The following HEATR1 variants were observed in gnomAD, a reference collection of about 807,000 sequenced individuals.
HEATR1 encodes HEAT repeat containing 1, also known as HEAT repeat-containing protein 1.
A neutral mutation model predicts 248.2 loss-of-function variants in HEATR1; 77 were observed. The ratio of observed to expected loss-of-function variants is 0.31; its 90% CI spans 0.26 to 0.37. The LOEUF (loss-of-function observed/expected upper bound fraction) is 0.37, where lower values mean the gene tolerates loss of function less well. Among genes scored for constraint, HEATR1 ranks in the 10% least tolerant of loss-of-function variants. HEATR1 has a pLI of 1.00. For synonymous variants in HEATR1, 897 were observed against 923.1 expected (o/e 0.97, Z 0.51); for missense variants, 2,420 against 2,504.9 (o/e 0.97, Z 0.72).
intron 28 of HEATR1, among the ~76,000 whole-genome samples, chr1:236,570,625 C>T (rs1296884681): frequency 3.3e-5 from 5 of 152,032 alleles, no homozygotes; most frequent in South Asian, 2.1e-4. Flanking sequence ...TAATTGTATA[C>T]TTTAAATGGG....
At chr1:236,558,100 T>C in intron 36 of HEATR1, 137 bp downstream of exon 36, 1 of 980,460 alleles carries the variant, frequency 1.0e-6, no homozygotes, top group South Asian at 1.7e-5. Flanking sequence ...CACCACACCC[T>C]GCAAGATCAA....
chr1:236,585,870 AC>A lies in HEATR1; in HGVS notation c.1998del (p.Glu666AspfsTer7). ...LIGVANQKMI[E>X]LLADNINLGD... ...CCTAAATTTATATTATCAGCCAACA[AC>A]TCAATCATCTTCTGATTTGCTACAC... On this transcript the variant is annotated frameshift_variant, in exon 16 of 45. Coordinates refer to ENST00000366582, the MANE Select transcript of HEATR1 (RefSeq NM_018072.6). LOFTEE classifies it high-confidence loss of function. 6.2e-7 allele frequency: 1 copy of A among 1,612,656 alleles called. No individual in the cohort carries two copies. The highest frequency in any genetic ancestry group is 8.5e-7 in the Non-Finnish European group (1 of 1,178,912).
chr1:236,600,536 T>A (rs537529980), intron 3 of HEATR1, among the ~76,000 whole-genome samples: 1 of 151,522 alleles, frequency 6.6e-6, no homozygotes, highest in African/African-American at 2.4e-5. Context: ...TGCCTTTTAT[T>A]AGATTTTTTT....
intron 34 of HEATR1, 56 bp from the exon 35 acceptor site, chr1:236,559,191 A>C: frequency 7.2e-7 from 1 of 1,381,974 alleles, no homozygotes; most frequent in Non-Finnish European, 9.7e-7. Flanking sequence ...AAAAAAAACC[A>C]ACTTCAATTA....
chr1:236,557,419 T>C, intron 36 of HEATR1, 74 bp from the exon 37 acceptor site: 2 of 1,506,738 alleles, frequency 1.3e-6, no homozygotes, highest in South Asian at 2.5e-5. Context: ...GAGGGCATTA[T>C]GAAAAAAACC....
At position 236,577,874 on chromosome 1, in the gene HEATR1, ATTCTT is replaced by A. The variant is rs527243874; in HGVS notation, c.2756-930_2756-926del. ...TACTGGTAAAGTTTAGGTTGTTTCT[ATTCTT>A]TTGTCATCAAAACAATGCTGCAACA... is the stretch of plus-strand genomic sequence containing the variant. On this transcript the variant is annotated intron_variant, in intron 20 of 44. Transcript: ENST00000366582. 6.2e-4 allele frequency among the ~76,000 whole-genome samples: 95 copies of A among 152,268 alleles called. 3 individuals are homozygous for A. The South Asian group carries it at 0.018, about 28-fold the overall frequency.
rs755720751 is a variant in HEATR1 at position 236,574,329 on chromosome 1, G to A, written c.3332C>T (p.Thr1111Ile). Residue 1111 changes from threonine (T) to isoleucine (I), a missense_variant, in exon 24 of 45, where the codon ACA (threonine) becomes ATA (isoleucine). Thr to Ile is a moderately conservative substitution (Grantham distance 89). Transcript: ENST00000366582. ...TGATATGGCTGCAAAAAATGGTTTT[G>A]TAATCTAGAGGGGGTAGAAAAAAGG... ...TIQITALEKI[T>I]KPFFAAISDE... 6 of 1,608,290 alleles carry A rather than the reference G, an allele frequency of 3.7e-6. No individual in the cohort carries two copies. Among genetic ancestry groups the A allele is most frequent in the African/African-American group, 1.3e-5 (1 of 74,530 alleles).
Position 236,585,101 on chromosome 1 carries a change from T to C in HEATR1, c.2165A>G (p.His722Arg), listed in dbSNP as rs1296713557. The change falls in exon 17 of 45, where the codon CAC becomes CGC. Residue 722 changes from histidine to arginine, a missense_variant. Transcript: ENST00000366582. Reference protein sequence around the residue: ...VSCCSSLKETHFPFAIRVFSL... With the variant: ...VSCCSSLKETRFPFAIRVFSL... ...GAAGACTCTTATCGCAAATGGAAAGTGGGTTTCTTTTAAAGATGAACAACA... is the reference window on the plus strand; with the variant it reads ...GAAGACTCTTATCGCAAATGGAAAGCGGGTTTCTTTTAAAGATGAACAACA... 4 of 1,614,016 alleles carry C rather than the reference T, an allele frequency of 2.5e-6. No individual in the cohort carries two copies. In the South Asian group the frequency reaches 4.4e-5, roughly 18 times the overall value.
rs1403878816 is a variant in HEATR1 at position 236,585,838 on chromosome 1, A to C, written c.2031T>G (p.Pro677=). Residue 677 remains proline (P), a synonymous_variant, in exon 16 of 45, where the codon CCT becomes CCG. Coordinates refer to ENST00000366582, the MANE Select transcript of HEATR1 (RefSeq NM_018072.6). ...LLADNINLGD[P]SSMLKMVEDL... ...TACTTACCATCTTTAACATTGAAGA[A>C]GGATCTCCTAAATTTATATTATCAG... 8 of 1,612,598 alleles carry C rather than the reference A, an allele frequency of 5.0e-6. No homozygotes were observed. The highest frequency in any genetic ancestry group is 6.8e-6 in the Non-Finnish European group (8 of 1,178,866).
chr1:236,556,790 C>T (rs1055469049), intron 37 of HEATR1, among the ~76,000 whole-genome samples: 3 of 152,122 alleles, frequency 2.0e-5, no homozygotes, highest in African/African-American at 2.4e-5. Flanking sequence ...GACAGGAAAC[C>T]GCTGACGTGC....
At position 236,558,487 on chromosome 1, in the gene HEATR1, C is replaced by A. The variant is rs1455577056; in HGVS notation, c.4954G>T (p.Val1652Leu). ...TCCCCTTCCTTTTTCTTACGCTGCA[C>A]AATGGCCAAAAGGTCTGGAACCAGT... is the stretch of plus-strand genomic sequence containing the variant. ...LKLVPDLLAI[V>L]QRKKKEGEEE... Residue 1652 changes from valine to leucine, a missense_variant, in exon 36 of 45, where the codon GTG (valine) becomes TTG (leucine). Coordinates refer to ENST00000366582, the MANE Select transcript of HEATR1 (RefSeq NM_018072.6). 4 of 1,614,108 alleles carry A rather than the reference C, an allele frequency of 2.5e-6. No individual in the cohort carries two copies. Among genetic ancestry groups the A allele is most frequent in the Non-Finnish European group, 3.4e-6 (4 of 1,179,984 alleles).
intron 22 of HEATR1, 58 bp downstream of exon 22, chr1:236,576,160 GT>G: frequency 7.5e-7 from 1 of 1,339,260 alleles, no homozygotes; most frequent in Non-Finnish European, 1.0e-6. Context: ...CCCACAAGCA[GT>G]TACAACAATT....
At chr1:236,586,729 T>C (rs1475987723) in intron 14 of HEATR1, among the ~76,000 whole-genome samples, 1 of 151,878 alleles carries the variant, frequency 6.6e-6, no homozygotes, top group Non-Finnish European at 1.5e-5. Context: ...TCATCCTGTC[T>C]AATCTTAAAA....
chr1:236,568,900 A>ACC, intron 29 of HEATR1, 96 bp downstream of exon 29: 3 of 577,760 alleles, frequency 5.2e-6, no homozygotes, highest in South Asian at 9.9e-5. Context: ...AAAAAAAACA[A>ACC]AAAAAAAAAA....
chr1:236,563,545 T>C (rs1287138780), intron 32 of HEATR1, among the ~76,000 whole-genome samples: 1 of 152,184 alleles, frequency 6.6e-6, no homozygotes, highest in East Asian at 1.9e-4. Flanking sequence ...GTGCTGGGAT[T>C]ACAGGTGTGA....
chr1:236,553,836 G>A, intron 42 of HEATR1, 97 bp from the exon 43 acceptor site: 1 of 1,305,276 alleles, frequency 7.7e-7, no homozygotes, highest in South Asian at 1.5e-5. Flanking sequence ...TATCTTTCAT[G>A]ATATTAGCAG....
intron 2 of HEATR1, 142 bp from the exon 3 acceptor site, chr1:236,603,518 ATTTCTAGT>A (rs1664383199): frequency 1.5e-6 from 1 of 653,264 alleles, no homozygotes. Context: ...CCAAACACTG[ATTTCTAGT>A]TTTCAACTTT....
Position 236,572,751 on chromosome 1 carries a change from T to C in HEATR1, c.3537A>G (p.Gln1179=), listed in dbSNP as rs1292503530. 2 of 1,614,076 alleles carry C rather than the reference T, an allele frequency of 1.2e-6. No homozygotes were observed. Among genetic ancestry groups the C allele is most frequent in the Admixed American group, 3.3e-5 (2 of 60,030 alleles). Residue 1179 remains glutamine (Q), a synonymous_variant, in exon 25 of 45, where the codon CAA becomes CAG. Coordinates refer to ENST00000366582, the MANE Select transcript of HEATR1 (RefSeq NM_018072.6). ...TCTGCTGCATTTTTTGCCTTCTTTT[T>C]TGCTGAACTGTGCCCAAGGGTTTAG... ...DKAKPLGTVQ[Q]KRRQKMQQKK... is the part of the protein sequence containing the mutation.
At chr1:236,579,278 T>C (rs946817364) in intron 20 of HEATR1, among the ~76,000 whole-genome samples, 10 of 152,188 alleles carry the variant, frequency 6.6e-5, no homozygotes, top group Admixed American at 5.2e-4. Flanking sequence ...CTGCAATGTA[T>C]CTTTTTCACA....
Sources: gnomAD v4.1 joint callset for allele counts (sites outside exome capture counted in the v4.1 genomes callset) on GRCh38, gnomAD v4.1.1 for gene constraint, MANE v1.5 for transcripts, NCBI Gene and HGNC (gene_info 2026-07-23, HGNC 2026-07-21) for gene names.